Variants in NIPBL observed in about 807,000 individuals in gnomAD.
NIPBL encodes NIPBL cohesin loading factor, also known as nipped-B-like protein.
In NIPBL, 19 loss-of-function variants were observed where a neutral mutation model predicts 321.8. The ratio of observed to expected loss-of-function variants is 0.06; its 90% confidence interval spans 0.04 to 0.09. The LOEUF is 0.09. NIPBL is among the 10% of genes least tolerant of loss of function. The probability of loss-of-function intolerance (pLI) is 1.00; values close to 1 mark genes in which losing one functional copy is unlikely to be tolerated. For synonymous variants in NIPBL, 1,106 were observed against 1,114.1 expected (o/e 0.99, Z 0.14); for missense variants, 2,210 against 3,327.0 (o/e 0.66, Z 8.26).
At chr5:37,054,619 TC>T (rs1046872784) in intron 42 of NIPBL, among the ~76,000 whole-genome samples, 3 of 152,182 alleles carry the variant, frequency 2.0e-5, no homozygotes, top group African/African-American at 7.2e-5. Context: ...AGATGTTTTG[TC>T]ATCTCAGCAT....
chr5:37,032,432 T>TGTGTGTA (rs1554028401), intron 32 of NIPBL, among the ~76,000 whole-genome samples: 23 of 138,906 alleles, frequency 1.7e-4, no homozygotes, highest in South Asian at 4.6e-4. Flanking sequence ...TGTGTGTGTG[T>TGTGTGTA]GTGTGTAGTG....
At chr5:36,909,264 G>A (rs896029448) in intron 1 of NIPBL, among the ~76,000 whole-genome samples, 1 of 152,092 alleles carries the variant, frequency 6.6e-6, no homozygotes, top group Non-Finnish European at 1.5e-5. Context: ...AAGAATGCTA[G>A]GTAGCTCTTT....
intron 1 of NIPBL, among the ~76,000 whole-genome samples, chr5:36,947,353 A>T (rs951202208): frequency 2.0e-5 from 3 of 152,020 alleles, no homozygotes; most frequent in African/African-American, 7.2e-5. Flanking sequence ...GGTTACATGT[A>T]AGTACTGCAG....
chr5:37,013,401 A>G (rs1251400593), intron 21 of NIPBL, among the ~76,000 whole-genome samples: 2 of 149,056 alleles, frequency 1.3e-5, no homozygotes, highest in African/African-American at 5.0e-5. Context: ...GACGCTCCTC[A>G]CTTCCCAGAC....
intron 17 of NIPBL, 66 bp downstream of exon 17, chr5:37,006,654 T>TA (rs1361573806): frequency 4.1e-6 from 4 of 971,466 alleles, no homozygotes; most frequent in East Asian, 5.2e-5. Context: ...AAATAGGACT[T>TA]AAAATGGCAC....
At chr5:37,012,620 C>T (rs1315335532) in intron 21 of NIPBL, among the ~76,000 whole-genome samples, 2 of 152,134 alleles carry the variant, frequency 1.3e-5, no homozygotes, top group African/African-American at 2.4e-5. Context: ...TCCGGCCTTC[C>T]GCAGTGTTTG....
chr5:37,016,508 C>CT (rs1392314579), intron 23 of NIPBL, among the ~76,000 whole-genome samples: 1 of 151,912 alleles, frequency 6.6e-6, no homozygotes, highest in Non-Finnish European at 1.5e-5. Flanking sequence ...TCCTTATCAT[C>CT]TTTAAGAGTA....
intron 8 of NIPBL, among the ~76,000 whole-genome samples, chr5:36,975,569 AT>A (rs1376784312): frequency 6.6e-6 from 1 of 152,152 alleles, no homozygotes; most frequent in Admixed American, 6.6e-5. Context: ...TCAAACCTAG[AT>A]TTTAGATTAA....
chr5:37,041,104 A>G (rs907207312), intron 34 of NIPBL, among the ~76,000 whole-genome samples: 2 of 149,750 alleles, frequency 1.3e-5, no homozygotes, highest in African/African-American at 4.9e-5. Flanking sequence ...ATTTTTTCCT[A>G]TTCTGTTCTG....
At chr5:36,933,237 T>C (rs865971572) in intron 1 of NIPBL, among the ~76,000 whole-genome samples, 19 of 152,272 alleles carry the variant, frequency 1.2e-4, no homozygotes, top group Non-Finnish European at 2.2e-4. Flanking sequence ...CAGTGTCATA[T>C]TGAATTCTGT....
intron 1 of NIPBL, among the ~76,000 whole-genome samples, chr5:36,907,138 C>G (rs1458760621): frequency 2.0e-5 from 3 of 152,126 alleles, no homozygotes; most frequent in Non-Finnish European, 2.9e-5. Flanking sequence ...CGATTGTGAA[C>G]CAGTAGATCT....
rs1358086538 is a variant in NIPBL at position 37,048,651 on chromosome 5, C to T, written c.6739C>T (p.Arg2247Cys). The change falls in exon 39 of 47, where the codon CGT (arginine) becomes TGT (cysteine). Residue 2247 changes from arginine (R) to cysteine (C), a missense_variant. Transcript: ENST00000282516. ...GACCTACCTACAAGAAGAAGATACA[C>T]GTATGCAGCAGGCAGATAGAGACTG... is the stretch of plus-strand genomic sequence containing the variant. ...LQTYLQEEDTRMQQADRDWKK... is the reference protein window; with the variant it reads ...LQTYLQEEDTCMQQADRDWKK... The T allele has an allele frequency of 1.2e-6, 2 of 1,609,768 alleles. No individual in the cohort carries two copies. The highest frequency in any genetic ancestry group is 1.7e-5 in the Admixed American group (1 of 59,952).
intron 43 of NIPBL, 89 bp downstream of exon 43, chr5:37,057,421 C>A: frequency 7.9e-7 from 1 of 1,268,084 alleles, no homozygotes; most frequent in South Asian, 1.2e-5. Flanking sequence ...TTCTTTTTAT[C>A]CTCTTCACGA....
At chr5:37,013,041 C>T (rs1748366048) in intron 21 of NIPBL, among the ~76,000 whole-genome samples, 1 of 140,410 alleles carries the variant, frequency 7.1e-6, no homozygotes, top group African/African-American at 2.8e-5. Flanking sequence ...GGACGGGGGG[C>T]TGACCCCCCC....
chr5:36,954,727 A>T (rs933780579), intron 2 of NIPBL, among the ~76,000 whole-genome samples: 1 of 152,132 alleles, frequency 6.6e-6, no homozygotes, highest in Non-Finnish European at 1.5e-5. Context: ...GTTGGTACCT[A>T]TTGAGGCTGA....
chr5:36,887,793 T>C (rs158622), intron 1 of NIPBL, among the ~76,000 whole-genome samples: 84,804 of 151,992 alleles, frequency 0.56, 25,465 homozygotes, highest in African/African-American at 0.79. Flanking sequence ...CAGCTGTCTA[T>C]CAGGTACCTC....
intron 1 of NIPBL, among the ~76,000 whole-genome samples, chr5:36,935,455 T>A (rs953142099): frequency 1.8e-4 from 27 of 152,246 alleles, no homozygotes; most frequent in African/African-American, 6.5e-4. Context: ...AGTCTAGTGA[T>A]CAGTTCTCAG....
intron 9 of NIPBL, among the ~76,000 whole-genome samples, chr5:36,981,681 T>C (rs1433789210): frequency 6.6e-6 from 1 of 151,792 alleles, no homozygotes; most frequent in African/African-American, 2.4e-5. Flanking sequence ...TGCTTTCTTT[T>C]GTCAAAGAGG....
intron 1 of NIPBL, among the ~76,000 whole-genome samples, chr5:36,895,317 C>T (rs1266905442): frequency 2.0e-5 from 3 of 152,158 alleles, no homozygotes; most frequent in Admixed American, 2.0e-4. Context: ...CTTTTTAGGA[C>T]TGAATATACT....
Sources: allele counts gnomAD v4.1 joint callset (sites outside exome capture counted in the v4.1 genomes callset), GRCh38; gene constraint gnomAD v4.1.1; transcripts MANE v1.5; gene names NCBI Gene and HGNC (gene_info 2026-07-23, HGNC 2026-07-21).